Variants in MORC4 observed in about 807,000 individuals in gnomAD.
MORC4 encodes MORC family CW-type zinc finger protein 4.
In MORC4, 22 loss-of-function variants were observed where a neutral mutation model predicts 65.5. That is an observed-to-expected ratio of 0.34 (90% confidence interval 0.24 to 0.48). The LOEUF is 0.48. Ranked by LOEUF, MORC4 falls within the 20% of genes least tolerant of loss-of-function variation. The probability of loss-of-function intolerance (pLI) is 0.99; values close to 1 mark genes in which losing one functional copy is unlikely to be tolerated. For missense variants in MORC4, 624 were observed against 703.0 expected (o/e 0.89, Z 1.27); for synonymous variants, 267 against 255.8 (o/e 1.04, Z -0.42).
At chrX:106,990,058 G>T (rs1360339073) in intron 3 of MORC4, among the ~76,000 whole-genome samples, 2 of 102,624 alleles carry the variant, frequency 1.9e-5, no homozygotes, top group East Asian at 6.3e-4. Context: ...GTATGGTGGC[G>T]CACACCTGTA....
chrX:106,942,864 C>T lies in MORC4; in HGVS notation c.2027G>A (p.Arg676Lys). The T allele has an allele frequency of 8.3e-7, 1 of 1,211,734 alleles. No individual in the cohort carries two copies. The highest frequency in any genetic ancestry group is 1.1e-6 in the Non-Finnish European group (1 of 895,364). ...TTCTTTGTTTATGGTTGTGCTACCT[C>T]TGTTAGATTCTTCTGCCACCAATCT... is the stretch of plus-strand genomic sequence containing the variant. ...MPRLVAEESN[R>K]GSTTINKEEV... Residue 676 changes from arginine to lysine, a missense_variant, in exon 15 of 17, where the codon AGA (arginine) becomes AAA (lysine). Coordinates refer to ENST00000355610, the MANE Select transcript of MORC4 (RefSeq NM_024657.5).
intron 3 of MORC4, among the ~76,000 whole-genome samples, chrX:106,987,633 CAATT>C (rs1934898620): frequency 1.8e-5 from 2 of 111,515 alleles, no homozygotes; most frequent in African/African-American, 6.5e-5. Context: ...TGATCTTTAA[CAATT>C]TTACTCTTTT....
chrX:106,987,228 T>G (rs1032807808), intron 3 of MORC4, among the ~76,000 whole-genome samples: 6 of 111,353 alleles, frequency 5.4e-5, no homozygotes, highest in Admixed American at 2.9e-4. Flanking sequence ...GGAGTTCCAA[T>G]GTTACCAACA....
intron 3 of MORC4, among the ~76,000 whole-genome samples, chrX:106,992,357 C>T (rs1934999355): frequency 8.9e-6 from 1 of 112,441 alleles, no homozygotes; most frequent in Admixed American, 9.4e-5. Context: ...TCCTCCACAG[C>T]ATTCCACCAT....
intron 10 of MORC4, among the ~76,000 whole-genome samples, chrX:106,960,612 A>G (rs1934214131): frequency 1.8e-5 from 2 of 112,151 alleles, no homozygotes; most frequent in South Asian, 7.5e-4. Flanking sequence ...CTGCATGTAA[A>G]GAACTTAGAA....
chrX:106,991,665 G>A (rs896869210), intron 3 of MORC4, among the ~76,000 whole-genome samples: 2 of 111,972 alleles, frequency 1.8e-5, no homozygotes, highest in African/African-American at 6.5e-5. Flanking sequence ...CACTTTGGGA[G>A]GCTGAGGTGG....
intron 10 of MORC4, among the ~76,000 whole-genome samples, chrX:106,961,472 G>A (rs1276468775): frequency 8.9e-6 from 1 of 112,195 alleles, no homozygotes; most frequent in East Asian, 2.8e-4. Context: ...TTCCTGATGT[G>A]AAAAGCACCA....
In MORC4 at chrX:106,962,600, T is replaced by C. The variant is rs140970898; in HGVS notation, c.1158-490A>G. ...TCAAATATTAACTCTAATATGTCTA[T>C]ATAGTCCCTCTTCATCCAAATGCTG... On this transcript the variant is annotated intron_variant, in intron 9 of 16. Coordinates refer to ENST00000355610, the MANE Select transcript of MORC4 (RefSeq NM_024657.5). 5.9e-4 allele frequency among the ~76,000 whole-genome samples: 66 copies of C among 111,808 alleles called. No individual in the cohort carries two copies. In the East Asian group the frequency reaches 0.017, roughly 28 times the overall value.
At chrX:106,941,894 C>A in intron 16 of MORC4, 44 bp downstream of exon 16, 1 of 1,152,678 alleles carries the variant, frequency 8.7e-7, no homozygotes, top group South Asian at 2.0e-5. Context: ...AGGGATGCTT[C>A]CCATTAGCAC....
intron 3 of MORC4, among the ~76,000 whole-genome samples, chrX:106,992,757 G>C (rs1314079382): frequency 8.9e-6 from 1 of 112,123 alleles, no homozygotes; most frequent in African/African-American, 3.2e-5. Flanking sequence ...TTAAGAGTGA[G>C]TTTAGGTTAA....
chrX:106,958,574 TATG>T, intron 10 of MORC4, 110 bp from the exon 11 acceptor site: 8 of 674,204 alleles, frequency 1.2e-5, no homozygotes, highest in Non-Finnish European at 1.7e-5. Flanking sequence ...ATATATGAAA[TATG>T]TTGGGAATGT....
intron 5 of MORC4, among the ~76,000 whole-genome samples, chrX:106,981,796 G>A (rs750556290): frequency 8.9e-6 from 1 of 111,784 alleles, no homozygotes; most frequent in South Asian, 3.8e-4. Context: ...TCTTGAAATA[G>A]ACACAAGCTT....
Position 106,941,540 on chromosome X carries a change from T to C in MORC4, c.2753A>G (p.Asp918Gly), listed in dbSNP as rs1423891899. The C allele has an allele frequency of 8.3e-7, 1 of 1,209,385 alleles. No homozygotes were observed. The highest frequency in any genetic ancestry group is 1.7e-5 in the African/African-American group (1 of 57,520). Reference sequence around the variant, plus strand: ...CAGGATCCCATCCACTTGTTCTGAGTCATACCCGATCTCACGAAGCTCCAA... The same window carrying C: ...CAGGATCCCATCCACTTGTTCTGAGCCATACCCGATCTCACGAAGCTCCAA... ...PHLELREIGY[D>G]SEQVDGILYT... is the part of the protein sequence containing the mutation. The change falls in exon 17 of 17, where the codon GAC becomes GGC. Residue 918 changes from aspartate (D) to glycine (G), a missense_variant. By Grantham distance (94) the Asp-to-Gly change is moderately conservative. Transcript: ENST00000355610.
intron 2 of MORC4, among the ~76,000 whole-genome samples, chrX:106,999,064 A>G (rs1935128481): frequency 8.9e-6 from 1 of 111,859 alleles, no homozygotes; most frequent in South Asian, 3.7e-4. Flanking sequence ...TCAACTGAAA[A>G]CACTTTAAAA....
At chrX:106,980,060 G>A (rs1049668404) in intron 7 of MORC4, among the ~76,000 whole-genome samples, 2 of 110,291 alleles carry the variant, frequency 1.8e-5, no homozygotes, top group Non-Finnish European at 3.8e-5. Context: ...AGCAAATAGA[G>A]TGTAAACATG....
intron 3 of MORC4, among the ~76,000 whole-genome samples, chrX:106,990,135 G>C (rs1022975501): frequency 2.8e-5 from 3 of 107,555 alleles, no homozygotes; most frequent in African/African-American, 1.0e-4. Flanking sequence ...GTTGCAGTGA[G>C]CCGAGATCGC....
chrX:106,952,129 G>C (rs1933988572), intron 14 of MORC4, among the ~76,000 whole-genome samples: 1 of 108,380 alleles, frequency 9.2e-6, no homozygotes, highest in Non-Finnish European at 1.9e-5. Flanking sequence ...CACTACCCTA[G>C]AACAGGGCCT....
rs777690829 is a variant in MORC4, at chrX:106,991,098, T to C, written c.308+2132A>G. Among the ~76,000 whole-genome samples, 163 of 111,683 alleles carry C rather than the reference T, an allele frequency of 1.5e-3. 12 individuals are homozygous for C. Among genetic ancestry groups the C allele is most frequent in the Non-Finnish European group, 3.8e-4 (20 of 53,134 alleles). On this transcript the variant is annotated intron_variant, in intron 3 of 16. Coordinates refer to ENST00000355610, the MANE Select transcript of MORC4 (RefSeq NM_024657.5). ...TTCTATAGCTAAGAAAGTTTCTACC[T>C]ATTTTGCTCCTTGGGGAGGGAATAA...
rs190794957 is a variant in MORC4 at position 106,980,532 on chromosome X, T to G, written c.936+359A>C. 2.2e-4 allele frequency among the ~76,000 whole-genome samples: 25 copies of G among 111,803 alleles called. No individual in the cohort carries two copies. In the East Asian group the frequency reaches 6.7e-3, roughly 30 times the overall value. On this transcript the variant is annotated intron_variant, in intron 7 of 16. Coordinates refer to ENST00000355610, the MANE Select transcript of MORC4 (RefSeq NM_024657.5). ...AAAATCCAGTACAAACCAAATAATG[T>G]GTATTATTCCTTATAGCAGAGGTTC...
Sources: gnomAD v4.1 joint callset for allele counts (sites outside exome capture counted in the v4.1 genomes callset) on GRCh38, gnomAD v4.1.1 for gene constraint, MANE v1.5 for transcripts, NCBI Gene and HGNC (gene_info 2026-07-23, HGNC 2026-07-21) for gene names.